Variants in HIVEP3 observed in about 807,000 individuals in gnomAD.
HIVEP3 encodes the protein HIVEP zinc finger 3.
In HIVEP3, 49 loss-of-function variants were observed where a neutral mutation model predicts 152.8. The ratio of observed to expected loss-of-function variants is 0.32; its 90% CI spans 0.26 to 0.41. The LOEUF is 0.41. Ranked by LOEUF, HIVEP3 falls within the 10% of genes least tolerant of loss-of-function variation. The pLI is 1.00. For missense variants in HIVEP3, 2,790 were observed against 3,103.3 expected, an observed-to-expected ratio of 0.90 and a Z score of 2.40; for synonymous variants, 1,269 against 1,289.0, an observed-to-expected ratio of 0.98 and a Z score of 0.33.
At chr1:41,920,409 G>A (rs4660582), upstream of HIVEP3, among the ~76,000 whole-genome samples, 76,782 of 151,916 alleles carry the variant, frequency 0.51, 19,649 homozygotes, top group East Asian at 0.71. Context: ...TAGGGGCTGC[G>A]AGGGGATGGT....
Position 41,566,236 on chromosome 1 carries a change from C to T in HIVEP3, c.5207+9308G>A, listed in dbSNP as rs1644160347. On this transcript the variant is annotated intron_variant, in intron 5 of 8. Transcript: ENST00000372583. Reference sequence around the variant, plus strand: ...TTCACAAATGCATGGTGGGTGAAGACCTCAAGCCCATAGGTGGCCTGGAAT... The same window carrying T: ...TTCACAAATGCATGGTGGGTGAAGATCTCAAGCCCATAGGTGGCCTGGAAT... Among the ~76,000 whole-genome samples the T allele has an allele frequency of 4.6e-5, 7 of 152,160 alleles. No individual in the cohort carries two copies. In the South Asian group the frequency reaches 1.5e-3, roughly 32 times the overall value.
chr1:41,862,273 CT>C (rs965071714), intron 1 of HIVEP3, among the ~76,000 whole-genome samples: 1 of 152,180 alleles, frequency 6.6e-6, no homozygotes, highest in African/African-American at 2.4e-5. Flanking sequence ...CTCTGCACTC[CT>C]CTCCACCTCT....
At chr1:41,553,282 T>C (rs1459022262) in intron 5 of HIVEP3, among the ~76,000 whole-genome samples, 3 of 152,214 alleles carry the variant, frequency 2.0e-5, no homozygotes, top group African/African-American at 7.2e-5. Flanking sequence ...TGATCTTTGT[T>C]GGTTTAAAGT....
chr1:41,867,501 T>C (rs529199498), intron 1 of HIVEP3, among the ~76,000 whole-genome samples: 1 of 152,262 alleles, frequency 6.6e-6, no homozygotes, highest in South Asian at 2.1e-4. Context: ...CTTCCCTCTC[T>C]AGCCTGACTC....
At position 41,664,888 on chromosome 1, in the gene HIVEP3, T is replaced by C. The variant is rs2124055241; in HGVS notation, c.-720-35941A>G. On this transcript the variant is annotated intron_variant, in intron 2 of 8. Transcript: ENST00000372583. The surrounding 1 kb of genome is among the most constrained non-coding windows in gnomAD (Gnocchi z 4.4). ...GCCAACCCCCCAAAACACGGAGTCC[T>C]GAGCTGGCCCTAATGAGGTGGAGGG... is the stretch of plus-strand genomic sequence containing the variant. 6.6e-6 allele frequency among the ~76,000 whole-genome samples: 1 copy of C among 152,324 alleles called. No individual in the cohort carries two copies. The highest frequency in any genetic ancestry group is 2.1e-4 in the South Asian group (1 of 4,826).
intron 1 of HIVEP3, among the ~76,000 whole-genome samples, chr1:41,900,672 G>A (rs783624): frequency 0.7 from 106,384 of 151,720 alleles, 38,223 homozygotes; most frequent in African/African-American, 0.87. Flanking sequence ...CCACATCCCA[G>A]TGGTGATCAC....
At chr1:41,903,478 G>A (rs1249817377) in intron 1 of HIVEP3, among the ~76,000 whole-genome samples, 1 of 152,220 alleles carries the variant, frequency 6.6e-6, no homozygotes, top group East Asian at 1.9e-4. Flanking sequence ...TGAGCACTGA[G>A]GCCTTGTTAT....
intron 5 of HIVEP3, among the ~76,000 whole-genome samples, chr1:41,551,211 T>C (rs1204547498): frequency 6.6e-6 from 1 of 152,354 alleles, no homozygotes; most frequent in East Asian, 1.9e-4. Context: ...CATCCTTGCG[T>C]CCCAGGGATG....
intron 1 of HIVEP3, among the ~76,000 whole-genome samples, chr1:41,871,998 A>G (rs1644088748): frequency 6.6e-6 from 1 of 152,234 alleles, no homozygotes; most frequent in Non-Finnish European, 1.5e-5. Flanking sequence ...AAATGCAACC[A>G]TTTCAAGTGA....
intron 2 of HIVEP3, among the ~76,000 whole-genome samples, chr1:41,652,080 C>T (rs998228207): frequency 2.0e-5 from 3 of 152,180 alleles, no homozygotes; most frequent in African/African-American, 7.2e-5. Flanking sequence ...GAGAGGTGGT[C>T]ACAGCAGTCC....
At chr1:41,626,114 G>A (rs1645113121) in intron 3 of HIVEP3, among the ~76,000 whole-genome samples, 1 of 152,228 alleles carries the variant, frequency 6.6e-6, no homozygotes, top group South Asian at 2.1e-4. Flanking sequence ...GTGACTCCAT[G>A]TTTCCCTGCC....
At chr1:41,613,616 G>T (rs185038637) in intron 3 of HIVEP3, among the ~76,000 whole-genome samples, 1 of 152,340 alleles carries the variant, frequency 6.6e-6, no homozygotes, top group East Asian at 1.9e-4. Context: ...CTAATGAGTA[G>T]AATTGTGTAA....
intron 7 of HIVEP3, 74 bp downstream of exon 7, chr1:41,518,315 GAAGCAGGGAAGGC>G: frequency 8.9e-7 from 1 of 1,117,796 alleles, no homozygotes; most frequent in Non-Finnish European, 1.4e-6. Flanking sequence ...AGACAGAAAG[GAAGCAGGGAAGGC>G]AAGCAGGAAA....
At chr1:41,874,619 G>T (rs965496836) in intron 1 of HIVEP3, among the ~76,000 whole-genome samples, 1 of 152,128 alleles carries the variant, frequency 6.6e-6, no homozygotes, top group African/African-American at 2.4e-5. Context: ...TCTGAGCAGC[G>T]GGTGAGGAGG....
At chr1:41,973,701 T>C (rs916033444) in intron 1 of HIVEP3, among the ~76,000 whole-genome samples, 6 of 152,224 alleles carry the variant, frequency 3.9e-5, no homozygotes, top group African/African-American at 4.8e-5. Context: ...CAAGGAATGA[T>C]AGGAGTCAGA....
intron 1 of HIVEP3, among the ~76,000 whole-genome samples, chr1:41,795,855 C>T (rs867837517): frequency 1.2e-4 from 19 of 152,248 alleles, no homozygotes; most frequent in Middle Eastern, 6.8e-3. Context: ...CTTTCTGGAA[C>T]TACAAAATGT....
intron 1 of HIVEP3, among the ~76,000 whole-genome samples, chr1:41,733,872 TC>T (rs1157354460): frequency 6.6e-6 from 1 of 152,090 alleles, no homozygotes; most frequent in Non-Finnish European, 1.5e-5. Flanking sequence ...AGGCTGTTCC[TC>T]GGCTCTCAAG....
Position 41,563,286 on chromosome 1 carries a change from G to T in HIVEP3, c.5207+12258C>A, listed in dbSNP as rs190137725. 1.9e-3 allele frequency among the ~76,000 whole-genome samples: 292 copies of T among 152,058 alleles called. 1 individual carries two copies. The highest frequency in any genetic ancestry group is 6.6e-3 in the African/African-American group (274 of 41,458). On this transcript the variant is annotated intron_variant, in intron 5 of 8. Coordinates refer to ENST00000372583, the MANE Select transcript of HIVEP3 (RefSeq NM_024503.5). Reference sequence around the variant, plus strand: ...TTCTTGAACCCAGGAGGCGGAGGTGGCAGTGAGCTGTGATCATGCCACTGC... The same window carrying T: ...TTCTTGAACCCAGGAGGCGGAGGTGTCAGTGAGCTGTGATCATGCCACTGC...
At chr1:41,727,614 C>T (rs899988790) in intron 1 of HIVEP3, among the ~76,000 whole-genome samples, 1 of 152,230 alleles carries the variant, frequency 6.6e-6, no homozygotes, top group Non-Finnish European at 1.5e-5. Context: ...CCGGAGGAAT[C>T]CCCCGCAGAC....
Sources: gnomAD v4.1 joint callset for allele counts (sites outside exome capture counted in the v4.1 genomes callset) on GRCh38, gnomAD v4.1.1 for gene constraint, Gnocchi (gnomAD v3.1) non-coding constraint, MANE v1.5 for transcripts, NCBI Gene and HGNC (gene_info 2026-07-23, HGNC 2026-07-21) for gene names.